The following CTCF variants were observed in gnomAD, a reference collection of about 807,000 sequenced individuals.
The protein encoded by CTCF is transcriptional repressor CTCF.
In CTCF, 7 loss-of-function variants were observed where a neutral mutation model predicts 72.3. That is an observed-to-expected ratio of 0.10 (90% CI 0.06 to 0.18). The LOEUF is 0.18. Ranked by LOEUF, CTCF falls within the 10% of genes least tolerant of loss-of-function variation. The probability of loss-of-function intolerance (pLI) is 1.00; values close to 1 mark genes in which losing one functional copy is unlikely to be tolerated. For synonymous variants in CTCF, 374 were observed against 315.8 expected (o/e 1.18, Z -1.95); for missense variants, 516 against 949.1 (o/e 0.54, Z 6.00).
chr16:67,637,569 C>A, intron 11 of CTCF, 119 bp from the exon 12 acceptor site: 1 of 751,738 alleles, frequency 1.3e-6, no homozygotes, highest in Non-Finnish European at 2.2e-6. Flanking sequence ...GTCTCTGGAC[C>A]GCTATCTAAT....
At chr16:67,590,848 C>T (rs2051732899) in intron 2 of CTCF, among the ~76,000 whole-genome samples, 1 of 151,174 alleles carries the variant, frequency 6.6e-6, no homozygotes, top group Admixed American at 6.6e-5. Flanking sequence ...TCAATCCCAG[C>T]TACTTGGGAG....
intron 2 of CTCF, among the ~76,000 whole-genome samples, chr16:67,600,199 C>CT (rs1472520561): frequency 2.0e-5 from 3 of 151,824 alleles, no homozygotes; most frequent in African/African-American, 7.3e-5. Context: ...GAGTTGAGTC[C>CT]TTTTTAGTAA....
intron 2 of CTCF, among the ~76,000 whole-genome samples, chr16:67,579,290 G>T (rs1482965675): frequency 1.3e-5 from 2 of 151,614 alleles, no homozygotes; most frequent in African/African-American, 4.8e-5. Flanking sequence ...AAAAAATAAA[G>T]CACAAATAGT....
intron 9 of CTCF, 92 bp downstream of exon 9, chr16:67,628,644 G>T (rs1279516595): frequency 6.3e-6 from 8 of 1,266,614 alleles, no homozygotes; most frequent in Middle Eastern, 3.9e-4. Context: ...TTTCACTGAG[G>T]TTATAAACAG....
At chr16:67,580,234 G>A (rs2142738997) in intron 2 of CTCF, among the ~76,000 whole-genome samples, 1 of 152,318 alleles carries the variant, frequency 6.6e-6, no homozygotes, top group South Asian at 2.1e-4. Flanking sequence ...TTTAGAGACA[G>A]ACTCTCGCTC....
At chr16:67,578,713 C>T (rs543855666) in intron 2 of CTCF, among the ~76,000 whole-genome samples, 7 of 150,990 alleles carry the variant, frequency 4.6e-5, no homozygotes, top group Non-Finnish European at 4.4e-5. Flanking sequence ...TTTGGGAGGC[C>T]GAGGCAGGCG....
Position 67,621,461 on chromosome 16 carries a change from T to C in CTCF, c.1227T>C (p.Cys409=). 1 of 1,605,762 alleles carries C rather than the reference T, an allele frequency of 6.2e-7. No homozygotes were observed. Among genetic ancestry groups the C allele is most frequent in the African/African-American group, 1.3e-5 (1 of 74,924 alleles). ...TTAAAGGGGAAAAGCCTTATGAATG[T>C]TATATTTGTCATGCTCGGTTTACCC... ...RTHSGEKPYE[C]YICHARFTQS... Residue 409 remains cysteine, a synonymous_variant, in exon 7 of 12, where the codon TGT becomes TGC. Coordinates refer to ENST00000264010, the MANE Select transcript of CTCF (RefSeq NM_006565.4).
At chr16:67,621,712 C>T (rs971045046) in intron 7 of CTCF, 121 bp downstream of exon 7, 2 of 643,634 alleles carry the variant, frequency 3.1e-6, no homozygotes, top group South Asian at 2.9e-5. Flanking sequence ...TAGGAATGGC[C>T]TGTCACTTAG....
intron 2 of CTCF, among the ~76,000 whole-genome samples, chr16:67,583,292 C>A (rs2142747252): frequency 6.6e-6 from 1 of 152,092 alleles, no homozygotes; most frequent in African/African-American, 2.4e-5. Context: ...CAGCCTACTT[C>A]TTATTTTGAA....
intron 2 of CTCF, among the ~76,000 whole-genome samples, chr16:67,576,030 G>A (rs1217483967): frequency 6.7e-6 from 1 of 149,592 alleles, no homozygotes; most frequent in Non-Finnish European, 1.5e-5. Context: ...GTGTGGTGGT[G>A]CACACCTGTA....
At chr16:67,593,713 C>A (rs1443802996) in intron 2 of CTCF, among the ~76,000 whole-genome samples, 1 of 152,100 alleles carries the variant, frequency 6.6e-6, no homozygotes, top group Admixed American at 6.6e-5. Context: ...CTTCTGATCT[C>A]CCCAGGAAAT....
At chr16:67,634,283 C>T (rs1342737457) in intron 10 of CTCF, among the ~76,000 whole-genome samples, 1 of 152,052 alleles carries the variant, frequency 6.6e-6, no homozygotes, top group African/African-American at 2.4e-5. Context: ...TCTCAGCTCA[C>T]TGCAACCTCC....
Position 67,638,581 on chromosome 16 carries a change from A to G in CTCF, c.*709A>G, listed in dbSNP as rs1291478541. The G allele has an allele frequency of 4.3e-6, 1 of 231,494 alleles. No individual in the cohort carries two copies. The highest frequency in any genetic ancestry group is 8.6e-6 in the Non-Finnish European group (1 of 116,712). The allele number at this position is 231,494 out of a possible 1,614,324, so 14.3% of individuals were successfully genotyped here. ...ACAAGGAATTGGATCACAATCATGT[A>G]GCAGAATGGCACCCAGACCACTGCC... On this transcript the variant is annotated 3_prime_UTR_variant, in exon 12 of 12. Coordinates refer to ENST00000264010, the MANE Select transcript of CTCF (RefSeq NM_006565.4).
chr16:67,632,119 G>C (rs560150966), intron 10 of CTCF, among the ~76,000 whole-genome samples: 34 of 150,354 alleles, frequency 2.3e-4, no homozygotes, highest in Non-Finnish European at 4.2e-4. Flanking sequence ...TGAACTGTTG[G>C]GGGTTTTCAG....
intron 2 of CTCF, among the ~76,000 whole-genome samples, chr16:67,577,418 C>G (rs2051512467): frequency 6.8e-6 from 1 of 147,598 alleles, no homozygotes; most frequent in South Asian, 2.1e-4. Context: ...GTTTACTTGG[C>G]AGTAATGTCT....
intron 1 of CTCF, among the ~76,000 whole-genome samples, chr16:67,564,328 C>T (rs937039741): frequency 1.3e-5 from 2 of 152,180 alleles, no homozygotes; most frequent in African/African-American, 4.8e-5. Context: ...TCTGGATTAA[C>T]CTGTTTTTAG....
At chr16:67,637,163 T>C (rs1173574199) in intron 11 of CTCF, among the ~76,000 whole-genome samples, 2 of 152,138 alleles carry the variant, frequency 1.3e-5, no homozygotes, top group African/African-American at 4.8e-5. Flanking sequence ...GCAGAATGGA[T>C]GCGGTAATGA....
At chr16:67,596,884 G>A (rs2051822741) in intron 2 of CTCF, among the ~76,000 whole-genome samples, 1 of 152,196 alleles carries the variant, frequency 6.6e-6, no homozygotes, top group African/African-American at 2.4e-5. Flanking sequence ...ACTGTGCCCA[G>A]CCTGGAATTT....
rs540704751 is a variant in CTCF at position 67,601,527 on chromosome 16, C to G, written c.-9-9297C>G. On this transcript the variant is annotated intron_variant, in intron 2 of 11. Transcript: ENST00000264010. ...CTAATTTTGTTTTTGTATTTCTAGT[C>G]GAGATGGGGTTTCACCATGTTAGCC... Among the ~76,000 whole-genome samples, 77 of 151,564 alleles carry G rather than the reference C, an allele frequency of 5.1e-4. 1 individual carries two copies. The highest frequency in any genetic ancestry group is 1.0e-3 in the Non-Finnish European group (71 of 67,840).
Sources: gnomAD v4.1 joint callset for allele counts (sites outside exome capture counted in the v4.1 genomes callset) on GRCh38, gnomAD v4.1.1 for gene constraint, MANE v1.5 for transcripts, NCBI Gene and HGNC (gene_info 2026-07-23, HGNC 2026-07-21) for gene names.